ODAD2: variants seen among roughly 807,000 people sequenced by gnomAD.
The protein encoded by ODAD2 is outer dynein arm docking complex subunit 2, also known as outer dynein arm-docking complex subunit 2.
Under a neutral mutation model 106.8 loss-of-function variants are expected in ODAD2, and 89 were observed. The ratio of observed to expected loss-of-function variants is 0.83; its 90% CI spans 0.70 to 0.99. The LOEUF (loss-of-function observed/expected upper bound fraction) is 0.99, where lower values mean the gene tolerates loss of function less well. Among genes scored for constraint, ODAD2 ranks in the 50% least tolerant of loss-of-function variants. The pLI, the probability that ODAD2 is intolerant of heterozygous loss-of-function variation, is 0.00. For synonymous variants in ODAD2, 404 were observed against 436.2 expected (o/e 0.93, Z 0.92); for missense variants, 1,168 against 1,238.5 (o/e 0.94, Z 0.85).
At chr10:27,888,985 T>C (rs982056350) in intron 17 of ODAD2, among the ~76,000 whole-genome samples, 1 of 152,168 alleles carries the variant, frequency 6.6e-6, no homozygotes, top group Non-Finnish European at 1.5e-5. Context: ...CAAAGCACAA[T>C]GTAGCTGAAG....
chr10:27,862,317 A>G (rs1840104590), intron 18 of ODAD2, 117 bp downstream of exon 18: 2 of 669,514 alleles, frequency 3.0e-6, no homozygotes, highest in Non-Finnish European at 4.7e-6. Context: ...CATACCTCAT[A>G]AGCAATGGGT....
chr10:27,870,902 T>C (rs1161399410), intron 17 of ODAD2, among the ~76,000 whole-genome samples: 2 of 152,190 alleles, frequency 1.3e-5, no homozygotes, highest in South Asian at 2.1e-4. Context: ...ATGGTATTTC[T>C]AGTTCTAGAT....
chr10:27,944,097 A>G lies in ODAD2; in HGVS notation c.1743+125T>C, dbSNP rs899084692. 6.3e-6 allele frequency: 5 copies of G among 793,152 alleles called. No individual in the cohort carries two copies. In the African/African-American group the frequency reaches 6.9e-5, roughly 11 times the overall value. The allele number at this position is 793,152 out of a possible 1,614,324, so 49.1% of individuals were successfully genotyped here. On this transcript the variant is annotated intron_variant, in intron 12 of 19. Coordinates refer to ENST00000305242, the MANE Select transcript of ODAD2 (RefSeq NM_018076.5). ...TAATTCTTAAGGGCAAGCGATACAG[A>G]CAGAAGGCTCCTGGAACACGCTCTC...
chr10:27,944,803 C>A lies in ODAD2; in HGVS notation c.1533+13G>T. 6.2e-7 allele frequency: 1 copy of A among 1,613,976 alleles called. No homozygotes were observed. Among genetic ancestry groups the A allele is most frequent in the African/African-American group, 1.3e-5 (1 of 75,028 alleles). On this transcript the variant is annotated intron_variant, in intron 11 of 19. Coordinates refer to ENST00000305242, the MANE Select transcript of ODAD2 (RefSeq NM_018076.5). ...GAACAAGACTCCGCATCCAAGGTGA[C>A]AGAGCCACTCACCTTACATTTGACT...
rs10599433 is a variant in ODAD2, at chr10:27,985,216, CAA to C, written c.383-7_383-6del. On this transcript the variant is annotated splice_polypyrimidine_tract_variant and splice_region_variant and intron_variant, in intron 3 of 19. Coordinates refer to ENST00000305242, the MANE Select transcript of ODAD2 (RefSeq NM_018076.5). ...TTACTATGGGGTCTCTGTTAGCTGC[CAA>C]AAAAAAAAAAAAGGAGACAAATAAA... is the stretch of plus-strand genomic sequence containing the variant. 11,416 of 1,199,552 alleles carry C rather than the reference CAA, an allele frequency of 9.5e-3. 2 individuals are homozygous for C. The highest frequency in any genetic ancestry group is 0.026 in the South Asian group (1,321 of 51,656). The allele number at this position is 1,199,552 out of a possible 1,614,324, so 74.3% of individuals were successfully genotyped here.
chr10:27,938,671 C>T (rs1438678144), intron 14 of ODAD2, among the ~76,000 whole-genome samples: 1 of 151,272 alleles, frequency 6.6e-6, no homozygotes, highest in Non-Finnish European at 1.5e-5. Flanking sequence ...GCGATCTTGG[C>T]TCACTGCAAC....
chr10:27,977,615 T>C (rs1364202993), intron 7 of ODAD2, among the ~76,000 whole-genome samples: 1 of 151,706 alleles, frequency 6.6e-6, no homozygotes, highest in African/African-American at 2.4e-5. Flanking sequence ...AAGACCCAGA[T>C]TGGGATGAAA....
chr10:27,910,936 T>C lies in ODAD2; in HGVS notation c.2496-3159A>G, dbSNP rs113665563. Among the ~76,000 whole-genome samples, 535 of 152,238 alleles carry C rather than the reference T, an allele frequency of 3.5e-3. 3 individuals are homozygous for C. The highest frequency in any genetic ancestry group is 0.012 in the African/African-American group (511 of 41,548). On this transcript the variant is annotated intron_variant, in intron 16 of 19. Coordinates refer to ENST00000305242, the MANE Select transcript of ODAD2 (RefSeq NM_018076.5). Reference sequence around the variant, plus strand: ...TAGTCAGAATGTTTTCATCAACCAATCAATATATAACGTTGTTTCACGTGT... The same window carrying C: ...TAGTCAGAATGTTTTCATCAACCAACCAATATATAACGTTGTTTCACGTGT...
chr10:27,941,310 C>A (rs1846403633), intron 12 of ODAD2, among the ~76,000 whole-genome samples: 1 of 135,790 alleles, frequency 7.4e-6, no homozygotes, highest in African/African-American at 2.8e-5. Context: ...ATAGCAAGAT[C>A]CTGTTTCCAC....
chr10:27,880,428 T>A (rs1387035309), intron 17 of ODAD2, among the ~76,000 whole-genome samples: 1 of 152,220 alleles, frequency 6.6e-6, no homozygotes, highest in Non-Finnish European at 1.5e-5. Flanking sequence ...GTTCTCAAAT[T>A]TTACTTTATA....
intron 19 of ODAD2, among the ~76,000 whole-genome samples, chr10:27,857,710 C>A (rs1030344622): frequency 1.3e-5 from 2 of 152,134 alleles, no homozygotes; most frequent in African/African-American, 4.8e-5. Flanking sequence ...TAAACCTTAG[C>A]CTTCAGGAGA....
chr10:27,867,843 G>A (rs1406514767), intron 17 of ODAD2, among the ~76,000 whole-genome samples: 2 of 151,866 alleles, frequency 1.3e-5, no homozygotes, highest in Non-Finnish European at 2.9e-5. Flanking sequence ...CAGCTATTTG[G>A]GAGGCTGAGG....
At chr10:27,825,906 A>T (rs1351517471) in intron 19 of ODAD2, among the ~76,000 whole-genome samples, 1 of 152,242 alleles carries the variant, frequency 6.6e-6, no homozygotes, top group Non-Finnish European at 1.5e-5. Context: ...GAATAAAATC[A>T]TAACTGAAAA....
At chr10:27,865,830 G>A (rs1840399564) in intron 17 of ODAD2, among the ~76,000 whole-genome samples, 1 of 152,232 alleles carries the variant, frequency 6.6e-6, no homozygotes, top group Non-Finnish European at 1.5e-5. Context: ...CTATGCAAGT[G>A]TGAGGGCGAA....
intron 19 of ODAD2, among the ~76,000 whole-genome samples, chr10:27,845,314 C>A (rs1208321083): frequency 6.6e-6 from 1 of 152,060 alleles, no homozygotes. Context: ...TCATAGCCAG[C>A]CAAACTAAGC....
At chr10:27,842,851 C>A (rs1007123386) in intron 19 of ODAD2, among the ~76,000 whole-genome samples, 2 of 152,138 alleles carry the variant, frequency 1.3e-5, no homozygotes, top group Non-Finnish European at 2.9e-5. Context: ...TATACATATA[C>A]CCTTTGATCC....
In ODAD2 at chr10:27,994,946, G is replaced by A; in HGVS notation, c.197C>T (p.Ser66Leu). 6.2e-7 allele frequency: 1 copy of A among 1,614,172 alleles called. No homozygotes were observed. The highest frequency in any genetic ancestry group is 8.5e-7 in the Non-Finnish European group (1 of 1,180,042). The change falls in exon 2 of 20, where the codon TCA (serine) becomes TTA (leucine). Residue 66 changes from serine (S) to leucine (L), a missense_variant. Around this residue, in one of 3 missense-constraint regions of ODAD2, gnomAD observed 430 missense variants for 452.2 expected, o/e 0.95. Coordinates refer to ENST00000305242, the MANE Select transcript of ODAD2 (RefSeq NM_018076.5). ...GACAACATAACCTGATTCAAATGCT[G>A]AGGGCGCCAAACTTGTGTTCCATTC... ...PLEWNTSLAP[S>L]AFESGYVVSE...
At chr10:27,823,764 C>T (rs540596406) in intron 19 of ODAD2, among the ~76,000 whole-genome samples, 1 of 152,268 alleles carries the variant, frequency 6.6e-6, no homozygotes, top group African/African-American at 2.4e-5. Context: ...AAAATTAATA[C>T]ATTAACATAA....
intron 10 of ODAD2, 109 bp from the exon 11 acceptor site, chr10:27,945,071 G>A: frequency 2.3e-6 from 3 of 1,305,634 alleles, no homozygotes; most frequent in Non-Finnish European, 3.2e-6. Flanking sequence ...GAGTGGGCTA[G>A]AATTTGTTAA....
Sources: gnomAD v4.1 joint callset for allele counts (sites outside exome capture counted in the v4.1 genomes callset) on GRCh38, gnomAD v4.1.1 for gene constraint, gnomAD v4.1.1 regional missense constraint, MANE v1.5 for transcripts, NCBI Gene and HGNC (gene_info 2026-07-23, HGNC 2026-07-21) for gene names.